ANKH: variants seen among roughly 807,000 people sequenced by gnomAD.
The protein encoded by ANKH is ANKH inorganic pyrophosphate transport regulator, also known as mineralization regulator ANKH.
Under a neutral mutation model 49.0 loss-of-function variants are expected in ANKH, and 15 were observed. That is an observed-to-expected ratio of 0.31 (90% CI 0.20 to 0.47). The LOEUF (loss-of-function observed/expected upper bound fraction) is 0.47. Ranked by LOEUF, ANKH falls within the 20% of genes least tolerant of loss-of-function variation. The pLI is 1.00. For missense variants in ANKH, 429 were observed against 652.0 expected (o/e 0.66, Z 3.72); for synonymous variants, 273 against 260.0 (o/e 1.05, Z -0.48).
intron 1 of ANKH, among the ~76,000 whole-genome samples, chr5:14,792,887 G>C (rs905083569): frequency 1.3e-5 from 2 of 149,046 alleles, no homozygotes; most frequent in Non-Finnish European, 3.0e-5. Context: ...TGAGGCAGGA[G>C]AATCGCTTGA....
chr5:14,714,279 C>T (rs1214834759), intron 9 of ANKH, among the ~76,000 whole-genome samples: 7 of 152,228 alleles, frequency 4.6e-5, no homozygotes, highest in Non-Finnish European at 1.0e-4. Flanking sequence ...CATGGCCTGC[C>T]CATGCCTGCC....
intron 1 of ANKH, among the ~76,000 whole-genome samples, chr5:14,849,806 C>T (rs1383136137): frequency 2.0e-5 from 3 of 152,200 alleles, no homozygotes; most frequent in Non-Finnish European, 2.9e-5. Flanking sequence ...TCCAGGCAGA[C>T]GCTGCTTGTC....
intron 1 of ANKH, among the ~76,000 whole-genome samples, chr5:14,842,201 C>T (rs188765498): frequency 6.5e-4 from 99 of 152,262 alleles, no homozygotes; most frequent in Admixed American, 3.7e-3. Flanking sequence ...TAATTAGGGT[C>T]CTCTCTATAA....
At chr5:14,721,953 A>AAAAAAAAAAAAAC (rs1737684652) in intron 8 of ANKH, among the ~76,000 whole-genome samples, 1 of 151,396 alleles carries the variant, frequency 6.6e-6, no homozygotes, top group African/African-American at 2.4e-5. Context: ...AAAAAAAAAA[A>AAAAAAAAAAAAAC]AGTGGGTATG....
At chr5:14,724,780 G>A (rs977890772) in intron 8 of ANKH, among the ~76,000 whole-genome samples, 3 of 152,170 alleles carry the variant, frequency 2.0e-5, no homozygotes, top group Admixed American at 1.3e-4. Flanking sequence ...ACCAGGCCAC[G>A]GTGGGACGGC....
intron 1 of ANKH, among the ~76,000 whole-genome samples, chr5:14,851,331 G>C (rs1742118104): frequency 6.6e-6 from 1 of 152,194 alleles, no homozygotes; most frequent in Non-Finnish European, 1.5e-5. Flanking sequence ...GAGAAGCTCT[G>C]CACAGAAGTG....
Position 14,713,806 on chromosome 5 carries a change from A to G in ANKH, c.1142-139T>C. The G allele has an allele frequency of 8.0e-7, 1 of 1,249,216 alleles. No homozygotes were observed. Among genetic ancestry groups the G allele is most frequent in the Non-Finnish European group, 1.2e-6 (1 of 867,016 alleles). 77.4% of individuals were successfully genotyped at this position (1,249,216 alleles called of 1,614,324 possible). ...TTGCTGTTGAGCCGCTGGCCACCTC[A>G]TCTTCCTGCCAGGGTTCCCCATCCC... On this transcript the variant is annotated intron_variant, in intron 9 of 11. Coordinates refer to ENST00000284268, the MANE Select transcript of ANKH (RefSeq NM_054027.6). This position sits in a 1 kb window ranked among gnomAD's most constrained non-coding sequence, Gnocchi z 4.4.
chr5:14,762,738 G>A (rs983327879), intron 2 of ANKH, among the ~76,000 whole-genome samples: 1 of 151,856 alleles, frequency 6.6e-6, no homozygotes, highest in Non-Finnish European at 1.5e-5. Context: ...GCTATTGGGG[G>A]GGTGGGGGGG....
At chr5:14,797,992 G>T in intron 1 of ANKH, 2 of 1,561,324 alleles carry the variant, frequency 1.3e-6, no homozygotes. Context: ...ATGATACAAG[G>T]GTTCTGGGGC....
At chr5:14,860,810 G>T (rs1735464466) in intron 1 of ANKH, among the ~76,000 whole-genome samples, 1 of 151,936 alleles carries the variant, frequency 6.6e-6, no homozygotes, top group Admixed American at 6.6e-5. Context: ...GCCCAGGCTG[G>T]AGTGCTGCGA....
At chr5:14,846,246 CATA>C (rs1001532532) in intron 1 of ANKH, among the ~76,000 whole-genome samples, 1 of 152,184 alleles carries the variant, frequency 6.6e-6, no homozygotes, top group Non-Finnish European at 1.5e-5. Context: ...GCGAGGAGGT[CATA>C]ATCTTAAAAG....
chr5:14,741,091 G>C (rs10041128), intron 8 of ANKH, among the ~76,000 whole-genome samples: 3,158 of 152,274 alleles, frequency 0.021, 123 homozygotes, highest in African/African-American at 0.072. Flanking sequence ...TAAACGGTAA[G>C]TTTTTTGCCA....
At chr5:14,724,880 C>T (rs913503953) in intron 8 of ANKH, among the ~76,000 whole-genome samples, 4 of 152,192 alleles carry the variant, frequency 2.6e-5, no homozygotes, top group African/African-American at 9.7e-5. Context: ...CTCTTAACCA[C>T]ATTTTGAGGA....
intron 1 of ANKH, among the ~76,000 whole-genome samples, chr5:14,771,795 C>A (rs938645395): frequency 2.0e-5 from 3 of 151,696 alleles, no homozygotes; most frequent in African/African-American, 7.3e-5. Context: ...ATGGTGTGCA[C>A]CTATAATCCC....
chr5:14,788,541 A>T (rs2126540059), intron 1 of ANKH, among the ~76,000 whole-genome samples: 1 of 152,298 alleles, frequency 6.6e-6, no homozygotes, highest in East Asian at 1.9e-4. Context: ...ATATTTGAAC[A>T]TTTCTTTATA....
chr5:14,728,817 G>T (rs2126442436), intron 8 of ANKH, among the ~76,000 whole-genome samples: 1 of 152,306 alleles, frequency 6.6e-6, no homozygotes, highest in East Asian at 1.9e-4. Flanking sequence ...CATGACAGAA[G>T]GACTCAGAAC....
At chr5:14,736,077 C>T (rs148939021) in intron 8 of ANKH, among the ~76,000 whole-genome samples, 4 of 135,470 alleles carry the variant, frequency 3.0e-5, no homozygotes, top group East Asian at 2.3e-4. Flanking sequence ...CCATTGACCT[C>T]GGATACCCTT....
At chr5:14,867,628 C>T (rs552665172) in intron 1 of ANKH, among the ~76,000 whole-genome samples, 107 of 152,130 alleles carry the variant, frequency 7.0e-4, no homozygotes, top group African/African-American at 2.5e-3. Context: ...GGCGCAATCT[C>T]GGCTCACTGC....
At chr5:14,850,134 C>T (rs1742083999) in intron 1 of ANKH, among the ~76,000 whole-genome samples, 1 of 152,310 alleles carries the variant, frequency 6.6e-6, no homozygotes, top group Admixed American at 6.5e-5. Context: ...GTCTCACTGG[C>T]TTGACGAGGA....
Sources: gnomAD v4.1 joint callset for allele counts (sites outside exome capture counted in the v4.1 genomes callset) on GRCh38, gnomAD v4.1.1 for gene constraint, Gnocchi (gnomAD v3.1) non-coding constraint, MANE v1.5 for transcripts, NCBI Gene and HGNC (gene_info 2026-07-23, HGNC 2026-07-21) for gene names.